The following NME4 variants were observed in gnomAD, a reference collection of about 807,000 sequenced individuals.
NME4 encodes nucleoside diphosphate kinase D, mitochondrial.
A neutral mutation model predicts 16.4 loss-of-function variants in NME4; 21 were observed. That is an observed-to-expected ratio of 1.28 (90% CI 0.91 to 1.84). NME4 has a LOEUF of 1.84. NME4 is among the 40% of genes most tolerant of loss of function. NME4 has a pLI of 0.00. For synonymous variants in NME4, 132 were observed against 107.5 expected, an observed-to-expected ratio of 1.23 and a Z score of -1.41; for missense variants, 316 against 261.3, an observed-to-expected ratio of 1.21 and a Z score of -1.44.
Position 399,622 on chromosome 16 carries a change from T to A in NME4, c.328-5T>A. ...CTTCTCCCCAACCATTATCTCTCGC[T>A]GCAGGTCTGGGAAGGGTACAATGTC... On this transcript the variant is annotated splice_region_variant and splice_polypyrimidine_tract_variant and intron_variant, in intron 3 of 4. Transcript: ENST00000219479. 1 of 1,612,686 alleles carries A rather than the reference T, an allele frequency of 6.2e-7. No homozygotes were observed. The highest frequency in any genetic ancestry group is 8.5e-7 in the Non-Finnish European group (1 of 1,179,458).
chr16:400,291 G>A lies in NME4; in HGVS notation c.513G>A (p.Glu171=). The change falls in exon 5 of 5, where the codon GAG becomes GAA. Residue 171 remains glutamate, a synonymous_variant. Coordinates refer to ENST00000219479, the MANE Select transcript of NME4 (RefSeq NM_005009.3). ...TCCAGCTGTGGTTCCAGAGCAGTGA[G>A]CTGGTGAGCTGGGCAGACGGGGGCC... The part of the protein sequence containing the change: ...REIQLWFQSS[E]LVSWADGGQH... 2 of 1,607,014 alleles carry A rather than the reference G, an allele frequency of 1.2e-6. No individual in the cohort carries two copies. Among genetic ancestry groups the A allele is most frequent in the Non-Finnish European group, 1.7e-6 (2 of 1,177,096 alleles).
At position 399,099 on chromosome 16, in the gene NME4, G is replaced by A. The variant is rs1280535718; in HGVS notation, c.201G>A (p.Thr67=). 8.0e-5 allele frequency: 127 copies of A among 1,596,296 alleles called. No homozygotes were observed. Among genetic ancestry groups the A allele is most frequent in the Middle Eastern group, 1.7e-4 (1 of 5,946 alleles). Reference sequence around the variant, plus strand: ...AGCGCTTTGAGAGGCGGGGCTTCACGCTGGTGGGGATGAAGATGCTGCAGG... The same window carrying A: ...AGCGCTTTGAGAGGCGGGGCTTCACACTGGTGGGGATGAAGATGCTGCAGG... ...VIQRFERRGF[T]LVGMKMLQAP... The change falls in exon 2 of 5, where the codon ACG becomes ACA. Residue 67 remains threonine (T), a synonymous_variant. Transcript: ENST00000219479.
At chr16:398,852 C>T (rs2054600932) in intron 1 of NME4, 138 bp from the exon 2 acceptor site, 2 of 1,184,886 alleles carry the variant, frequency 1.7e-6, no homozygotes, top group Middle Eastern at 2.8e-4. Flanking sequence ...TGGGCACCAT[C>T]CCTGTCCCTT....
At chr16:398,266 G>T in intron 1 of NME4, 1 of 1,389,914 alleles carries the variant, frequency 7.2e-7, no homozygotes, top group Non-Finnish European at 9.6e-7. Flanking sequence ...GGGTCTGGAA[G>T]CGACAGGCCT....
chr16:398,565 C>G (rs2054595990), intron 1 of NME4: 1 of 468,592 alleles, frequency 2.1e-6, no homozygotes, highest in Middle Eastern at 8.0e-4. Context: ...TCCCTGAGGC[C>G]ACTGAGCTGG....
chr16:397,850 G>T, intron 1 of NME4: 4 of 1,547,712 alleles, frequency 2.6e-6, no homozygotes, highest in Non-Finnish European at 3.5e-6. Context: ...CCCCCCAGCT[G>T]CCACCTCACA....
At chr16:400,122 C>T (rs2054629457) in intron 4 of NME4, 97 bp from the exon 5 acceptor site, 3 of 1,538,070 alleles carry the variant, frequency 2.0e-6, no homozygotes, top group Admixed American at 1.7e-5. Flanking sequence ...CAGGCTTGCT[C>T]CCCTAGACAG....
At chr16:399,217 C>T in intron 2 of NME4, 94 bp downstream of exon 2, 2 of 1,542,836 alleles carry the variant, frequency 1.3e-6, no homozygotes, top group Non-Finnish European at 9.0e-7. Flanking sequence ...CGGGGCAGGG[C>T]CTGGCTTTGG....
intron 1 of NME4, chr16:397,847 G>C (rs772447609): frequency 6.5e-7 from 1 of 1,545,092 alleles, no homozygotes; most frequent in Non-Finnish European, 8.7e-7. Flanking sequence ...GGCCCCCCCA[G>C]CTGCCACCTC....
At position 397,793 on chromosome 16, in the gene NME4, T is replaced by C. The variant is rs538000569; in HGVS notation, c.91+480T>C. The C allele has an allele frequency of 1.7e-5, 24 of 1,424,452 alleles. No individual in the cohort carries two copies. The African/African-American group carries it at 2.5e-4, about 15-fold the overall frequency. 88.2% of individuals were successfully genotyped at this position (1,424,452 alleles called of 1,614,324 possible). A position where few individuals can be genotyped will look rare whatever the true frequency, so the allele number is the denominator to read the frequency against. ...CTGAAGGCCAAGTTAGGCCAGAATC[T>C]GACTGGGACGTCAGGCCCCAAGTCC... is the stretch of plus-strand genomic sequence containing the variant. On this transcript the variant is annotated intron_variant, in intron 1 of 4. Transcript: ENST00000219479.
intron 1 of NME4, chr16:397,767 G>A (rs112304484): frequency 1.8e-5 from 26 of 1,439,958 alleles, no homozygotes; most frequent in Non-Finnish European, 1.2e-5. Flanking sequence ...TGGGGCGTTC[G>A]CTGAAGGCCA....
chr16:398,417 G>A lies in NME4; in HGVS notation c.92-573G>A, dbSNP rs530501427. On this transcript the variant is annotated intron_variant, in intron 1 of 4. Coordinates refer to ENST00000219479, the MANE Select transcript of NME4 (RefSeq NM_005009.3). ...AAAGTGTGTTTCTCCCTGGTTCCCT[G>A]CCACTCATTCACCTCAGACACAGGG... 5.7e-5 allele frequency: 69 copies of A among 1,213,826 alleles called. 1 individual carries two copies. In the South Asian group the frequency reaches 9.2e-4, roughly 16 times the overall value. 75.2% of individuals were successfully genotyped at this position (1,213,826 alleles called of 1,614,324 possible).
chr16:398,995 CCCT>C lies in NME4; in HGVS notation c.101_103del (p.Ser34del). ...TGACCTCTTGCCTTTTGAAGGAGGG[CCCT>C]CCTGGACCCGGGAGCGGACCCTGGT... is the stretch of plus-strand genomic sequence containing the variant. On this transcript the variant is annotated inframe_deletion, in exon 2 of 5. Coordinates refer to ENST00000219479, the MANE Select transcript of NME4 (RefSeq NM_005009.3). The C allele has an allele frequency of 1.2e-6, 2 of 1,610,122 alleles. No individual in the cohort carries two copies. Among genetic ancestry groups the C allele is most frequent in the Non-Finnish European group, 1.7e-6 (2 of 1,179,872 alleles).
chr16:397,883 C>T, intron 1 of NME4: 1 of 1,555,338 alleles, frequency 6.4e-7, no homozygotes, highest in Non-Finnish European at 8.7e-7. Context: ...TCCCAGGGCT[C>T]CCTCCATCGG....
intron 1 of NME4, chr16:398,326 T>G (rs2054592066): frequency 4.6e-6 from 6 of 1,316,228 alleles, no homozygotes; most frequent in Non-Finnish European, 6.0e-6. Context: ...GACAGAACCC[T>G]GCTACCTTCC....
At position 399,052 on chromosome 16, in the gene NME4, C is replaced by T. The variant is rs778547344; in HGVS notation, c.154C>T (p.Arg52Trp). ...VAVKPDGVQR[R>W]LVGDVIQRFE... is the part of the protein sequence containing the mutation. ...GGTGAAGCCCGATGGCGTGCAACGG[C>T]GGCTCGTTGGGGACGTGATCCAGCG... is the stretch of plus-strand genomic sequence containing the variant. The change falls in exon 2 of 5, where the codon CGG becomes TGG. Residue 52 changes from arginine (R) to tryptophan (W), a missense_variant. Physicochemically the swap from Arg to Trp is moderately radical, Grantham distance 101 (BLOSUM62 -3). Coordinates refer to ENST00000219479, the MANE Select transcript of NME4 (RefSeq NM_005009.3). 53 of 1,607,128 alleles carry T rather than the reference C, an allele frequency of 3.3e-5. No individual in the cohort carries two copies. The highest frequency in any genetic ancestry group is 5.0e-5 in the Admixed American group (3 of 59,844).
chr16:396,854 G>A (rs1331345983), upstream of NME4: 1 of 152,272 alleles, frequency 6.6e-6, no homozygotes, highest in Non-Finnish European at 1.5e-5. Context: ...CTATTGCTCA[G>A]GCTGGAGTGC....
In NME4 at chr16:399,127, G is replaced by T. The variant is rs774567745; in HGVS notation, c.225+4G>T. ...GGTGGGGATGAAGATGCTGCAGGTA[G>T]TGGGACTCTGGGCTTGTGGGTGTCC... On this transcript the variant is annotated splice_donor_region_variant and intron_variant, in intron 2 of 4. Transcript: ENST00000219479. 3.1e-6 allele frequency: 5 copies of T among 1,595,130 alleles called. No individual in the cohort carries two copies. Among genetic ancestry groups the T allele is most frequent in the Admixed American group, 1.7e-5 (1 of 59,540 alleles).
rs967276030 is a variant in NME4, at chr16:399,693, G to A, written c.394G>A (p.Ala132Thr). Residue 132 changes from alanine to threonine, a missense_variant, in exon 4 of 5, where the codon GCT becomes ACT. Transcript: ENST00000219479. ...AMIGHTDSAE[A>T]APGTIRGDFS... ...GATTGGACACACCGACTCGGCTGAGGCTGCCCCAGGAACCATAAGGGGTGA... is the reference window on the plus strand; with the variant it reads ...GATTGGACACACCGACTCGGCTGAGACTGCCCCAGGAACCATAAGGGGTGA... 3 of 1,612,938 alleles carry A rather than the reference G, an allele frequency of 1.9e-6. No individual in the cohort carries two copies. The highest frequency in any genetic ancestry group is 1.7e-5 in the Admixed American group (1 of 59,998).
Sources: gnomAD v4.1 joint callset for allele counts on GRCh38, gnomAD v4.1.1 for gene constraint, MANE v1.5 for transcripts, NCBI Gene and HGNC (gene_info 2026-07-23, HGNC 2026-07-21) for gene names.